Variants in UHRF1 observed in about 807,000 individuals in gnomAD.
The protein encoded by UHRF1 is ubiquitin like with PHD and ring finger domains 1, also known as E3 ubiquitin-protein ligase UHRF1.
In UHRF1, 9 loss-of-function variants were observed where a neutral mutation model predicts 96.5. The observed-to-expected ratio is 0.09, with a 90% CI of 0.06 to 0.16. UHRF1 has a LOEUF of 0.16. Ranked by LOEUF, UHRF1 falls within the 10% of genes least tolerant of loss-of-function variation. The pLI, the probability that UHRF1 is intolerant of heterozygous loss-of-function variation, is 1.00. For missense variants in UHRF1, 626 were observed against 1,131.1 expected (o/e 0.55, Z 6.40); for synonymous variants, 455 against 469.9 (o/e 0.97, Z 0.41).
chr19:4,924,339 T>C (rs2032799608), intron 2 of UHRF1, among the ~76,000 whole-genome samples: 1 of 152,000 alleles, frequency 6.6e-6, no homozygotes, highest in African/African-American at 2.4e-5. Flanking sequence ...TTAGTAGAGA[T>C]GGGGTTTCGC....
At chr19:4,932,025 G>A (rs1383628406) in intron 4 of UHRF1, among the ~76,000 whole-genome samples, 1 of 151,900 alleles carries the variant, frequency 6.6e-6, no homozygotes, top group Non-Finnish European at 1.5e-5. Flanking sequence ...TCTGCCTCCC[G>A]GGTTCAAGCA....
In UHRF1 at chr19:4,930,908, T is replaced by C. The variant is rs1358719817; in HGVS notation, c.569+32T>C. 1 of 1,611,502 alleles carries C rather than the reference T, an allele frequency of 6.2e-7. No individual in the cohort carries two copies. The highest frequency in any genetic ancestry group is 8.5e-7 in the Non-Finnish European group (1 of 1,178,432). ...CATGGCAGGTGGGCGGGCCTGGGTA[T>C]TCAGGCTCTGTGACGCGCATCCTTG... On this transcript the variant is annotated intron_variant, in intron 4 of 16. Transcript: ENST00000650932. The surrounding 1 kb of genome is among the most constrained non-coding windows in gnomAD (Gnocchi z 4.4).
intron 2 of UHRF1, among the ~76,000 whole-genome samples, chr19:4,915,242 A>C (rs2146291629): frequency 1.3e-5 from 2 of 152,166 alleles, no homozygotes; most frequent in South Asian, 4.1e-4. Flanking sequence ...TGTCTGCGGG[A>C]GGGAGGGTCC....
Position 4,953,696 on chromosome 19 carries a change from G to T in UHRF1, c.1819-654G>T, listed in dbSNP as rs2145210860. Among the ~76,000 whole-genome samples, 3 of 152,216 alleles carry T rather than the reference G, an allele frequency of 2.0e-5. No individual in the cohort carries two copies. In the South Asian group the frequency reaches 6.2e-4, roughly 32 times the overall value. On this transcript the variant is annotated intron_variant, in intron 13 of 16. Transcript: ENST00000650932. Reference sequence around the variant, plus strand: ...GCCCAGGCTGGTCTCAAACTCCTGGGCTCAAGCGATCCCCCTGCCTTGGCT... The same window carrying T: ...GCCCAGGCTGGTCTCAAACTCCTGGTCTCAAGCGATCCCCCTGCCTTGGCT...
chr19:4,919,396 G>A (rs1445378596), intron 2 of UHRF1, among the ~76,000 whole-genome samples: 2 of 151,728 alleles, frequency 1.3e-5, no homozygotes, highest in Non-Finnish European at 2.9e-5. Context: ...TCCACCTCCT[G>A]GGTTCATGCC....
At position 4,904,471 on chromosome 19, in the gene UHRF1, A is replaced by G. The variant is rs553141354; in HGVS notation, c.-11+826A>G. ...TGGGATTACAGGCGTGAGCCACCGCACCCAGCCAATTTTTGTTATTTTTAG... is the reference window on the plus strand; with the variant it reads ...TGGGATTACAGGCGTGAGCCACCGCGCCCAGCCAATTTTTGTTATTTTTAG... On this transcript the variant is annotated intron_variant, in intron 1 of 16. Coordinates refer to the UHRF1 transcript ENST00000612630. 7.9e-5 allele frequency among the ~76,000 whole-genome samples: 12 copies of G among 151,854 alleles called. No homozygotes were observed. In the South Asian group the frequency reaches 1.0e-3, roughly 13 times the overall value.
intron 5 of UHRF1, among the ~76,000 whole-genome samples, chr19:4,940,359 A>AGTTTTTT (rs2033354026): frequency 1.5e-5 from 1 of 67,056 alleles, no homozygotes; most frequent in Non-Finnish European, 2.7e-5. Flanking sequence ...TGCCTTTATG[A>AGTTTTTT]TTTTTTTTTT....
At chr19:4,907,850 T>C (rs528565467), upstream of UHRF1, among the ~76,000 whole-genome samples, 5 of 151,696 alleles carry the variant, frequency 3.3e-5, no homozygotes, top group Non-Finnish European at 7.4e-5. Context: ...GTAGCTGGGA[T>C]TACAGACATG....
chr19:4,929,059 G>C (rs2032962840), intron 2 of UHRF1, among the ~76,000 whole-genome samples, 163 bp from the exon 3 acceptor site: 2 of 152,164 alleles, frequency 1.3e-5, no homozygotes, highest in South Asian at 4.1e-4. Context: ...TTGTGAGCGG[G>C]ACAGCCCCCT....
intron 2 of UHRF1, among the ~76,000 whole-genome samples, chr19:4,919,884 C>G (rs1338566999): frequency 6.6e-6 from 1 of 151,592 alleles, no homozygotes; most frequent in Non-Finnish European, 1.5e-5. Context: ...GTGGCGTGAT[C>G]TCAACTCACT....
intron 2 of UHRF1, among the ~76,000 whole-genome samples, chr19:4,923,526 G>A (rs1232522755): frequency 2.0e-5 from 3 of 152,192 alleles, no homozygotes; most frequent in East Asian, 1.9e-4. Context: ...CCATGAGCGC[G>A]GCCTGTGTGC....
chr19:4,952,243 C>T (rs1005364484), intron 13 of UHRF1, among the ~76,000 whole-genome samples: 2 of 151,994 alleles, frequency 1.3e-5, no homozygotes, highest in Non-Finnish European at 2.9e-5. Context: ...CAGGTGCCCA[C>T]CACCACGCCT....
At chr19:4,903,211 A>G in exon 1 of UHRF1, 1 of 236,224 alleles carries the variant, frequency 4.2e-6, no homozygotes. Flanking sequence ...GTAGAGACAG[A>G]GTTTCACTGT....
chr19:4,918,210 C>A (rs2032587704), intron 2 of UHRF1, among the ~76,000 whole-genome samples: 1 of 152,036 alleles, frequency 6.6e-6, no homozygotes, highest in Non-Finnish European at 1.5e-5. Context: ...ACCTCCACCT[C>A]CCAGGTTCAA....
upstream of UHRF1, among the ~76,000 whole-genome samples, chr19:4,904,513 C>A (rs575348161): frequency 6.6e-6 from 1 of 152,144 alleles, no homozygotes; most frequent in South Asian, 2.1e-4. Context: ...CAGGGTTTCA[C>A]CATCTTGGCC....
intron 7 of UHRF1, among the ~76,000 whole-genome samples, chr19:4,942,671 A>T (rs2033443695): frequency 6.6e-6 from 1 of 151,742 alleles, no homozygotes; most frequent in Admixed American, 6.6e-5. Flanking sequence ...CTGGTCTCTT[A>T]ACTCCTGACC....
At chr19:4,909,229 C>T, upstream of UHRF1, 3 of 499,780 alleles carry the variant, frequency 6.0e-6, no homozygotes, top group Middle Eastern at 2.9e-4. Flanking sequence ...CCTGGGGGTC[C>T]CCAAGGCTCC....
chr19:4,909,491 G>T, upstream of UHRF1: 1 of 655,378 alleles, frequency 1.5e-6, no homozygotes. Flanking sequence ...GTTTTCGCGG[G>T]AAAAAAATCA....
intron 2 of UHRF1, among the ~76,000 whole-genome samples, chr19:4,917,948 A>G (rs1010662381): frequency 2.0e-5 from 3 of 152,022 alleles, no homozygotes; most frequent in African/African-American, 4.8e-5. Context: ...AGCATGAGCT[A>G]TTGGGCCTGG....
Sources: allele counts gnomAD v4.1 joint callset (sites outside exome capture counted in the v4.1 genomes callset), GRCh38; gene constraint gnomAD v4.1.1; non-coding constraint Gnocchi (gnomAD v3.1); transcripts MANE v1.5; gene names NCBI Gene and HGNC (gene_info 2026-07-23, HGNC 2026-07-21).